The following USP42 variants were observed in gnomAD, a reference collection of about 807,000 sequenced individuals.
USP42 encodes the protein ubiquitin specific peptidase 42.
In USP42, 23 loss-of-function variants were observed where a neutral mutation model predicts 113.0. The ratio of observed to expected loss-of-function variants is 0.20; its 90% confidence interval spans 0.15 to 0.29. USP42 has a LOEUF of 0.29. Among genes scored for constraint, USP42 ranks in the 10% least tolerant of loss-of-function variants. USP42 has a pLI of 1.00. For missense variants in USP42, 2,174 were observed against 1,779.8 expected, an observed-to-expected ratio of 1.22 and a Z score of -3.99; for synonymous variants, 933 against 699.0, an observed-to-expected ratio of 1.33 and a Z score of -5.28.
chr7:6,150,500 A>G lies in USP42; in HGVS notation c.2195A>G (p.Glu732Gly), dbSNP rs368694025. ...AACAAACTGAAAGGCTCGACGGATG[A>G]AATGAGGTAACGTAAGAGTACATCT... ...LSNKLKGSTD[E>G]MSAPGAERGP... Residue 732 changes from glutamate (E) to glycine (G), a missense_variant, in exon 14 of 18, where the codon GAA becomes GGA. Glu to Gly is a moderately conservative substitution (Grantham distance 98). Transcript: ENST00000306177. The G allele has an allele frequency of 6.2e-7, 1 of 1,613,954 alleles. No homozygotes were observed. The highest frequency in any genetic ancestry group is 8.5e-7 in the Non-Finnish European group (1 of 1,179,846).
chr7:6,148,063 C>T (rs1014157475), intron 12 of USP42, among the ~76,000 whole-genome samples, 171 bp downstream of exon 12: 7 of 152,160 alleles, frequency 4.6e-5, no homozygotes, highest in Non-Finnish European at 1.0e-4. Flanking sequence ...AACGGCCGAG[C>T]GCAGTGGCTC....
rs921276760 is a variant in USP42 at position 6,149,640 on chromosome 7, T to A, written c.1444T>A (p.Ser482Thr). ...GAAAGACACGCCAAGCAGTTCCATG[T>A]CGAGTCCTAACGGGAATTCCAGTGT... ...PLKDTPSSSM[S>T]SPNGNSSVNR... Residue 482 changes from serine to threonine, a missense_variant, in exon 13 of 18, where the codon TCG becomes ACG. Coordinates refer to ENST00000306177, the MANE Select transcript of USP42 (RefSeq NM_032172.3). 2 of 1,614,002 alleles carry A rather than the reference T, an allele frequency of 1.2e-6. No individual in the cohort carries two copies. Among genetic ancestry groups the A allele is most frequent in the Non-Finnish European group, 1.7e-6 (2 of 1,179,894 alleles).
chr7:6,116,259 C>G (rs538606211), intron 3 of USP42, among the ~76,000 whole-genome samples: 1 of 152,258 alleles, frequency 6.6e-6, no homozygotes, highest in Non-Finnish European at 1.5e-5. Context: ...CTGCCCGCAA[C>G]CTCCTGGAAT....
the USP42 span, among the ~76,000 whole-genome samples, chr7:6,095,364 C>T: frequency 4.1e-3 from 627 of 151,298 alleles, 7 homozygotes; most frequent in Non-Finnish European, 6.8e-3. Context: ...CATATAATTA[C>T]GGAGTAAATT....
At chr7:6,108,421 A>C (rs772036558) in intron 1 of USP42, among the ~76,000 whole-genome samples, 6 of 152,152 alleles carry the variant, frequency 3.9e-5, no homozygotes, top group Non-Finnish European at 7.4e-5. Context: ...CAGTTTGGAA[A>C]GTACATGGGT....
chr7:6,108,810 T>C (rs1779436040), intron 1 of USP42, among the ~76,000 whole-genome samples: 1 of 152,224 alleles, frequency 6.6e-6, no homozygotes, highest in Non-Finnish European at 1.5e-5. Flanking sequence ...TTTAAGGCCA[T>C]TTCTACTCCA....
rs1782500128 is a variant in USP42 at position 6,157,134 on chromosome 7, G to A, written c.3943+79G>A. ...TCTTTGCAAAGGTGATTAACATGTA[G>A]AAAGAAAACCTCAGGTGGCATCAAA... On this transcript the variant is annotated intron_variant, in intron 16 of 17. Coordinates refer to ENST00000306177, the MANE Select transcript of USP42 (RefSeq NM_032172.3). This position sits in a 1 kb window ranked among gnomAD's most constrained non-coding sequence, Gnocchi z 4.1. The A allele has an allele frequency of 2.1e-6, 3 of 1,452,680 alleles. No homozygotes were observed. Among genetic ancestry groups the A allele is most frequent in the African/African-American group, 1.4e-5 (1 of 70,148 alleles). 90.0% of individuals were successfully genotyped at this position (1,452,680 alleles called of 1,614,324 possible).
At chr7:6,153,238 G>A (rs4486101) in intron 14 of USP42, among the ~76,000 whole-genome samples, 6 of 150,928 alleles carry the variant, frequency 4.0e-5, no homozygotes, top group East Asian at 3.9e-4. Flanking sequence ...ACACCACTGC[G>A]CTCCAGCCTG....
chr7:6,094,353 TAG>T, the USP42 span, among the ~76,000 whole-genome samples: 22 of 150,894 alleles, frequency 1.5e-4, no homozygotes, highest in Non-Finnish European at 2.8e-4. Context: ...TTATTTTTTG[TAG>T]AGTCAGGGTC....
At position 6,154,278 on chromosome 7, in the gene USP42, G is replaced by A. The variant is rs762736924; in HGVS notation, c.2724G>A (p.Pro908=). ...RPPAPVLDMA[P]AGHPEGDAEP... is the part of the protein sequence containing the mutation. ...CAGCTCCTGTGCTGGACATGGCCCCGGCCGGTCACCCGGAAGGGGACGCTG... is the reference window on the plus strand; with the variant it reads ...CAGCTCCTGTGCTGGACATGGCCCCAGCCGGTCACCCGGAAGGGGACGCTG... The change falls in exon 15 of 18, where the codon CCG becomes CCA. Residue 908 remains proline (P), a synonymous_variant. Coordinates refer to ENST00000306177, the MANE Select transcript of USP42 (RefSeq NM_032172.3). 6 of 1,595,440 alleles carry A rather than the reference G, an allele frequency of 3.8e-6. No individual in the cohort carries two copies. Among genetic ancestry groups the A allele is most frequent in the Non-Finnish European group, 5.1e-6 (6 of 1,172,152 alleles).
intron 14 of USP42, 147 bp from the exon 15 acceptor site, chr7:6,153,608 AT>A (rs1782199550): frequency 1.9e-6 from 2 of 1,061,860 alleles, no homozygotes; most frequent in Non-Finnish European, 2.5e-6. Flanking sequence ...CATTGTGCAC[AT>A]GTAGCCTGAA....
chr7:6,104,829 C>A (rs1220465774), upstream of USP42: 2 of 149,958 alleles, frequency 1.3e-5, no homozygotes, highest in East Asian at 3.9e-4. Context: ...TGTGCGACGG[C>A]CCCTGGGCGG....
intron 2 of USP42, among the ~76,000 whole-genome samples, chr7:6,114,678 ATTTTT>A (rs869283400): frequency 2.6e-4 from 5 of 18,878 alleles, no homozygotes; most frequent in Admixed American, 1.2e-3. Flanking sequence ...ATATATATAT[ATTTTT>A]TTTTTTTTTT....
At chr7:6,107,798 T>C (rs758871205) in intron 1 of USP42, among the ~76,000 whole-genome samples, 10 of 152,188 alleles carry the variant, frequency 6.6e-5, no homozygotes, top group Non-Finnish European at 2.9e-5. Context: ...AAATGTAAAC[T>C]GTATTTGGAG....
At chr7:6,129,738 C>T (rs2687604) in intron 3 of USP42, among the ~76,000 whole-genome samples, 3,667 of 151,328 alleles carry the variant, frequency 0.024, 58 homozygotes, top group Non-Finnish European at 0.037. Flanking sequence ...GTGCACACCT[C>T]TAATCCTAGC....
At chr7:6,146,352 ACCCAGCAGCTT>A in intron 11 of USP42, 104 bp downstream of exon 11, 31 of 777,166 alleles carry the variant, frequency 4.0e-5, no homozygotes, top group Non-Finnish European at 6.0e-5. Flanking sequence ...AAAAAAAAAA[ACCCAGCAGCTT>A]AAAGATCAAC....
chr7:6,135,765 C>A (rs1393963228), intron 3 of USP42, 76 bp from the exon 4 acceptor site: 4 of 697,992 alleles, frequency 5.7e-6, no homozygotes, highest in African/African-American at 5.5e-5. Context: ...GGTGTGTGCC[C>A]CTGATTTGTA....
At chr7:6,125,497 A>G (rs891519529) in intron 3 of USP42, among the ~76,000 whole-genome samples, 2 of 152,222 alleles carry the variant, frequency 1.3e-5, no homozygotes, top group African/African-American at 4.8e-5. Context: ...TCACAAAACA[A>G]AACACAACAA....
the USP42 span, among the ~76,000 whole-genome samples, chr7:6,098,239 T>C: frequency 6.7e-6 from 1 of 150,300 alleles, no homozygotes; most frequent in East Asian, 1.9e-4. Flanking sequence ...ACCAGTCCCA[T>C]GATGTATCAG....
Sources: gnomAD v4.1 joint callset for allele counts (sites outside exome capture counted in the v4.1 genomes callset) on GRCh38, gnomAD v4.1.1 for gene constraint, Gnocchi (gnomAD v3.1) non-coding constraint, MANE v1.5 for transcripts, NCBI Gene and HGNC (gene_info 2026-07-23, HGNC 2026-07-21) for gene names.